TRPC5: variants seen among roughly 807,000 people sequenced by gnomAD.
TRPC5 encodes the protein short transient receptor potential channel 5.
A neutral mutation model predicts 56.5 loss-of-function variants in TRPC5; 9 were observed. That is an observed-to-expected ratio of 0.16 (90% CI 0.10 to 0.28). TRPC5 has a LOEUF of 0.28. TRPC5 is among the 10% of genes least tolerant of loss of function. TRPC5 has a pLI of 1.00. For missense variants in TRPC5, 469 were observed against 748.9 expected (o/e 0.63, Z 4.36); for synonymous variants, 282 against 278.5 (o/e 1.01, Z -0.13).
intron 2 of TRPC5, among the ~76,000 whole-genome samples, chrX:111,949,082 T>C (rs1189419184): frequency 1.8e-5 from 2 of 111,315 alleles, no homozygotes; most frequent in Non-Finnish European, 3.8e-5. Context: ...AAACATAAAG[T>C]GGGGGAAGGA....
chrX:111,958,172 C>A (rs747701737), intron 1 of TRPC5, among the ~76,000 whole-genome samples: 1 of 111,869 alleles, frequency 8.9e-6, no homozygotes, highest in Non-Finnish European at 1.9e-5. Flanking sequence ...CATAAAGCTG[C>A]ACATTTTCCT....
intron 1 of TRPC5, among the ~76,000 whole-genome samples, chrX:112,020,163 G>A (rs113401272): frequency 1.6e-3 from 176 of 111,882 alleles, no homozygotes; most frequent in African/African-American, 5.5e-3. Flanking sequence ...AAACTGCTGG[G>A]ATTACAAGTG....
Position 111,769,778 on chromosome X carries a change from G to A in TRPC5, c.*6535C>T, listed in dbSNP as rs6655161. On this transcript the variant is annotated 3_prime_UTR_variant, in exon 11 of 11. Transcript: ENST00000262839. ...ACTTGAAAATGTTTTTTGTTTGTTC[G>A]TTTGTTTGTTTTTAACCAGAGAAAG... Among the ~76,000 whole-genome samples the A allele has an allele frequency of 3.7e-3, 409 of 111,672 alleles. 3 individuals carry two copies. The highest frequency in any genetic ancestry group is 0.013 in the African/African-American group (390 of 30,836).
At chrX:111,882,911 C>T (rs1313284304) in intron 3 of TRPC5, among the ~76,000 whole-genome samples, 2 of 111,181 alleles carry the variant, frequency 1.8e-5, no homozygotes, top group African/African-American at 6.6e-5. Flanking sequence ...CATGGTGAAA[C>T]CCCGTCTCTA....
At chrX:111,801,874 G>A (rs1921321300) in intron 7 of TRPC5, among the ~76,000 whole-genome samples, 1 of 111,807 alleles carries the variant, frequency 8.9e-6, no homozygotes. Flanking sequence ...GAGGCAAAAA[G>A]TTTTTAACTT....
At chrX:111,851,444 A>G (rs887523561) in intron 5 of TRPC5, among the ~76,000 whole-genome samples, 10 of 111,050 alleles carry the variant, frequency 9.0e-5, no homozygotes, top group African/African-American at 2.6e-4. Context: ...CCAAAGTAAG[A>G]TGTCAAACAT....
intron 10 of TRPC5, 101 bp downstream of exon 10, chrX:111,778,884 T>A: frequency 1.8e-6 from 1 of 550,081 alleles, no homozygotes; most frequent in Non-Finnish European, 2.9e-6. Flanking sequence ...TTTGCTATAT[T>A]GTAAGCAGAT....
chrX:111,911,761 T>G (rs1362920615), intron 3 of TRPC5, among the ~76,000 whole-genome samples: 1 of 111,980 alleles, frequency 8.9e-6, no homozygotes, highest in Non-Finnish European at 1.9e-5. Flanking sequence ...CAAATGTGTT[T>G]TTTAGCCTTC....
rs1162534475 is a variant in TRPC5 at position 111,772,562 on chromosome X, T to C, written c.*3751A>G. On this transcript the variant is annotated 3_prime_UTR_variant, in exon 11 of 11. Coordinates refer to ENST00000262839, the MANE Select transcript of TRPC5 (RefSeq NM_012471.3). ...GATTCTCATGCCTCAGCCTCTCAAG[T>C]AGTTGGACTACAGGCGTGTACCACC... 1.8e-5 allele frequency among the ~76,000 whole-genome samples: 2 copies of C among 111,288 alleles called. No individual in the cohort carries two copies. Among genetic ancestry groups the C allele is most frequent in the Admixed American group, 9.6e-5 (1 of 10,395 alleles).
At chrX:111,893,879 TA>T (rs1924932505) in intron 3 of TRPC5, among the ~76,000 whole-genome samples, 1 of 112,129 alleles carries the variant, frequency 8.9e-6, no homozygotes, top group East Asian at 2.8e-4. Flanking sequence ...TACTCTTTTT[TA>T]TTCATTGTAT....
chrX:111,943,251 A>C (rs967319224), intron 2 of TRPC5, among the ~76,000 whole-genome samples: 7 of 111,981 alleles, frequency 6.3e-5, no homozygotes, highest in Admixed American at 2.8e-4. Flanking sequence ...GCTATCTATA[A>C]ATAGCAGGAT....
At chrX:111,859,063 G>A (rs1923321699) in intron 3 of TRPC5, among the ~76,000 whole-genome samples, 1 of 111,598 alleles carries the variant, frequency 9.0e-6, no homozygotes, top group Non-Finnish European at 1.9e-5. Flanking sequence ...GAGCAACACC[G>A]TTTGTAGATG....
At chrX:112,045,972 C>T (rs977389944) in intron 1 of TRPC5, among the ~76,000 whole-genome samples, 4 of 111,104 alleles carry the variant, frequency 3.6e-5, no homozygotes, top group African/African-American at 1.3e-4. Context: ...TTGGTGATGT[C>T]TGGATACATT....
intron 3 of TRPC5, among the ~76,000 whole-genome samples, chrX:111,874,380 A>G (rs1923854437): frequency 8.9e-6 from 1 of 112,641 alleles, no homozygotes. Context: ...GGAGAATCAA[A>G]TTAGCTGGAA....
chrX:111,883,016 G>A (rs375178886), intron 3 of TRPC5, among the ~76,000 whole-genome samples: 18 of 108,752 alleles, frequency 1.7e-4, no homozygotes, highest in African/African-American at 6.1e-4. Flanking sequence ...AACCTGGGAG[G>A]CGGAGGTTGC....
intron 2 of TRPC5, among the ~76,000 whole-genome samples, chrX:111,940,395 A>G (rs1926738311): frequency 8.9e-6 from 1 of 111,973 alleles, no homozygotes; most frequent in Non-Finnish European, 1.9e-5. Flanking sequence ...CACGTAAAGC[A>G]AAAAATATAT....
At chrX:111,825,719 G>C (rs1412396355) in intron 7 of TRPC5, among the ~76,000 whole-genome samples, 1 of 112,034 alleles carries the variant, frequency 8.9e-6, no homozygotes, top group Non-Finnish European at 1.9e-5. Flanking sequence ...AAGAGGTAGT[G>C]TTCTTAGATC....
intron 1 of TRPC5, among the ~76,000 whole-genome samples, chrX:112,072,868 C>A (rs552782762): frequency 2.6e-4 from 29 of 111,669 alleles, no homozygotes; most frequent in African/African-American, 9.1e-4. Context: ...TCATATAATT[C>A]TTCTCATCTG....
At chrX:112,021,977 C>T (rs779325156) in intron 1 of TRPC5, among the ~76,000 whole-genome samples, 1 of 112,138 alleles carries the variant, frequency 8.9e-6, no homozygotes, top group South Asian at 3.7e-4. Context: ...GAGGAATAAA[C>T]GGGATGATGA....
Sources: allele counts gnomAD v4.1 joint callset (sites outside exome capture counted in the v4.1 genomes callset), GRCh38; gene constraint gnomAD v4.1.1; transcripts MANE v1.5; gene names NCBI Gene and HGNC (gene_info 2026-07-23, HGNC 2026-07-21).